DLGAP1: variants seen among roughly 807,000 people sequenced by gnomAD.
DLGAP1 encodes the protein disks large-associated protein 1.
DLGAP1 carries 11 observed loss-of-function variants against 90.8 expected under a neutral mutation model. That is an observed-to-expected ratio of 0.12 (90% CI 0.08 to 0.20). The LOEUF (loss-of-function observed/expected upper bound fraction) is 0.20, where lower values mean the gene tolerates loss of function less well. Ranked by LOEUF, DLGAP1 falls within the 10% of genes least tolerant of loss-of-function variation. The pLI, the probability that DLGAP1 is intolerant of heterozygous loss-of-function variation, is 1.00. For synonymous variants in DLGAP1, 558 were observed against 540.7 expected (o/e 1.03, Z -0.44); for missense variants, 1,050 against 1,333.8 (o/e 0.79, Z 3.31).
At chr18:4,432,514 G>A (rs1383578195) in intron 1 of DLGAP1, among the ~76,000 whole-genome samples, 1 of 151,664 alleles carries the variant, frequency 6.6e-6, no homozygotes, top group African/African-American at 2.4e-5. Context: ...TATTTACAGT[G>A]CACAAGTTGA....
chr18:3,975,678 C>T (rs909338472), intron 3 of DLGAP1, among the ~76,000 whole-genome samples: 2 of 151,980 alleles, frequency 1.3e-5, no homozygotes, highest in African/African-American at 4.8e-5. Context: ...AACCCAAGTG[C>T]CCTAAGAAGA....
intron 1 of DLGAP1, among the ~76,000 whole-genome samples, chr18:4,329,804 A>G (rs1233309580): frequency 6.6e-6 from 1 of 152,068 alleles, no homozygotes; most frequent in African/African-American, 2.4e-5. Context: ...GAGAAATGCA[A>G]TTAATGTTCA....
intron 4 of DLGAP1, among the ~76,000 whole-genome samples, chr18:3,875,436 A>G (rs1416810078): frequency 6.6e-6 from 1 of 152,306 alleles, no homozygotes; most frequent in Admixed American, 6.5e-5. Flanking sequence ...AGACATACAC[A>G]GTTTCTGGCA....
chr18:3,683,361 C>T (rs375577), intron 7 of DLGAP1, among the ~76,000 whole-genome samples: 39,470 of 151,978 alleles, frequency 0.26, 6,264 homozygotes, highest in African/African-American at 0.45. Context: ...ACCAAAAATA[C>T]CAACAATATA....
intron 8 of DLGAP1, among the ~76,000 whole-genome samples, chr18:3,579,927 A>G (rs1310421421): frequency 1.3e-5 from 2 of 152,156 alleles, no homozygotes; most frequent in African/African-American, 2.4e-5. Flanking sequence ...GAAGTGATTC[A>G]CATTTTTGTT....
chr18:3,818,276 G>A, intron 4 of DLGAP1, among the ~76,000 whole-genome samples: 1 of 150,724 alleles, frequency 6.6e-6, no homozygotes, highest in Admixed American at 6.6e-5. Context: ...TGGAAGACCT[G>A]CCCTTGACTA....
chr18:3,919,249 T>C (rs1350988564), intron 3 of DLGAP1, among the ~76,000 whole-genome samples: 1 of 152,224 alleles, frequency 6.6e-6, no homozygotes, highest in Non-Finnish European at 1.5e-5. Flanking sequence ...TGAAGGTACC[T>C]ATGGGCAAAT....
At chr18:3,614,208 G>A (rs2057754327) in intron 7 of DLGAP1, among the ~76,000 whole-genome samples, 1 of 151,824 alleles carries the variant, frequency 6.6e-6, no homozygotes. Flanking sequence ...GCGAGCCACC[G>A]TGCCTGGCCA....
chr18:4,083,329 T>G (rs9955337), intron 2 of DLGAP1, among the ~76,000 whole-genome samples: 1 of 151,884 alleles, frequency 6.6e-6, no homozygotes, highest in Admixed American at 6.5e-5. Context: ...CACTTCTACT[T>G]CATTCTCATC....
In DLGAP1 at chr18:4,402,813, C is replaced by G. The variant is rs1170432092; in HGVS notation, c.-267+52193G>C. ...GTCTGGCTTATTTTTTTCACCACAT[C>G]TCTCACCAAAATTTCCCTGTCTCCC... On this transcript the variant is annotated intron_variant, in intron 1 of 12. Transcript: ENST00000315677. Among the ~76,000 whole-genome samples, 5 of 152,160 alleles carry G rather than the reference C, an allele frequency of 3.3e-5. No individual in the cohort carries two copies. In the East Asian group the frequency reaches 7.7e-4, roughly 23 times the overall value.
chr18:3,783,025 C>G (rs1249706142), intron 5 of DLGAP1, among the ~76,000 whole-genome samples: 1 of 152,106 alleles, frequency 6.6e-6, no homozygotes, highest in East Asian at 1.9e-4. Flanking sequence ...AGAAAATATA[C>G]AAGTGACCAA....
At chr18:4,444,374 G>A (rs1463817216) in intron 1 of DLGAP1, among the ~76,000 whole-genome samples, 1 of 152,200 alleles carries the variant, frequency 6.6e-6, no homozygotes, top group Non-Finnish European at 1.5e-5. Flanking sequence ...CTTGGGGAGA[G>A]AGTCATGATT....
intron 1 of DLGAP1, among the ~76,000 whole-genome samples, chr18:4,385,171 A>G (rs2082205067): frequency 6.6e-6 from 1 of 152,176 alleles, no homozygotes; most frequent in Non-Finnish European, 1.5e-5. Context: ...TACTCCCTTA[A>G]TGTAGTCCTT....
chr18:4,144,814 G>A (rs1003162159), intron 2 of DLGAP1, among the ~76,000 whole-genome samples: 3 of 151,016 alleles, frequency 2.0e-5, no homozygotes, highest in African/African-American at 7.4e-5. Context: ...CATATGATAA[G>A]AATATGCAAA....
At chr18:4,235,433 A>G (rs1159435951) in intron 1 of DLGAP1, among the ~76,000 whole-genome samples, 1 of 152,128 alleles carries the variant, frequency 6.6e-6, no homozygotes, top group Non-Finnish European at 1.5e-5. Context: ...GGAATTGCTC[A>G]TGTTGGCCTG....
At chr18:4,162,474 T>C (rs1284268714) in intron 1 of DLGAP1, among the ~76,000 whole-genome samples, 1 of 152,174 alleles carries the variant, frequency 6.6e-6, no homozygotes, top group Non-Finnish European at 1.5e-5. Flanking sequence ...TCTTTTACCT[T>C]AACAGATAAA....
chr18:3,818,346 G>GTTT (rs398031872), intron 4 of DLGAP1, among the ~76,000 whole-genome samples: 13 of 66,508 alleles, frequency 2.0e-4, no homozygotes, highest in South Asian at 6.4e-4. Context: ...TGTAGGGATG[G>GTTT]TTTTTTTTTT....
chr18:4,072,098 C>A (rs1348180555), intron 2 of DLGAP1, among the ~76,000 whole-genome samples: 1 of 152,144 alleles, frequency 6.6e-6, no homozygotes, highest in Non-Finnish European at 1.5e-5. Context: ...GGCCGCAGTA[C>A]TGCTAATGGT....
intron 7 of DLGAP1, among the ~76,000 whole-genome samples, chr18:3,714,528 A>C (rs1255907910): frequency 6.6e-6 from 1 of 152,212 alleles, no homozygotes; most frequent in East Asian, 1.9e-4. Context: ...CACTAGGCTG[A>C]AAATCAGCTT....
Sources: allele counts gnomAD v4.1 joint callset (sites outside exome capture counted in the v4.1 genomes callset), GRCh38; gene constraint gnomAD v4.1.1; transcripts MANE v1.5; gene names NCBI Gene and HGNC (gene_info 2026-07-23, HGNC 2026-07-21).